GRAMD1B: variants seen among roughly 807,000 people sequenced by gnomAD.
The protein encoded by GRAMD1B is protein Aster-B.
In GRAMD1B, 37 loss-of-function variants were observed where a neutral mutation model predicts 99.7. The ratio of observed to expected loss-of-function variants is 0.37; its 90% CI spans 0.29 to 0.49. The LOEUF is 0.49. Ranked by LOEUF, GRAMD1B falls within the 20% of genes least tolerant of loss-of-function variation. GRAMD1B has a pLI of 0.98. For synonymous variants in GRAMD1B, 427 were observed against 387.6 expected, an observed-to-expected ratio of 1.10 and a Z score of -1.19; for missense variants, 888 against 1,009.2, an observed-to-expected ratio of 0.88 and a Z score of 1.63.
At chr11:123,578,695 C>T (rs527851672) in intron 3 of GRAMD1B, among the ~76,000 whole-genome samples, 1 of 152,336 alleles carries the variant, frequency 6.6e-6, no homozygotes, top group South Asian at 2.1e-4. Flanking sequence ...TGGACACTGC[C>T]TCTGGCTGGG....
At chr11:123,570,615 T>C (rs1038963920) in intron 2 of GRAMD1B, among the ~76,000 whole-genome samples, 2 of 151,780 alleles carry the variant, frequency 1.3e-5, no homozygotes, top group African/African-American at 4.8e-5. Context: ...GTAGAGATGG[T>C]GTTTCACCAT....
At chr11:123,391,179 A>G (rs949769733) in intron 1 of GRAMD1B, among the ~76,000 whole-genome samples, 4 of 152,096 alleles carry the variant, frequency 2.6e-5, no homozygotes, top group Non-Finnish European at 5.9e-5. Context: ...CACTTGCCCT[A>G]CTTCATCTCA....
At chr11:123,432,510 T>G (rs918228991) in intron 1 of GRAMD1B, among the ~76,000 whole-genome samples, 48 of 149,266 alleles carry the variant, frequency 3.2e-4, no homozygotes, top group African/African-American at 1.2e-3. Flanking sequence ...GAGCCAAGAC[T>G]GTGCCACTGC....
chr11:123,566,226 A>G (rs1947354992), intron 2 of GRAMD1B, among the ~76,000 whole-genome samples: 2 of 152,216 alleles, frequency 1.3e-5, no homozygotes, highest in African/African-American at 4.8e-5. Flanking sequence ...GGTGCACAGA[A>G]AGAAAAAGTG....
intron 2 of GRAMD1B, among the ~76,000 whole-genome samples, chr11:123,507,686 TA>T (rs1464756535): frequency 6.6e-6 from 1 of 152,246 alleles, no homozygotes; most frequent in Non-Finnish European, 1.5e-5. Context: ...GAGATTGGTT[TA>T]AATGTATATA....
intron 2 of GRAMD1B, among the ~76,000 whole-genome samples, chr11:123,512,603 G>A (rs891958525): frequency 6.6e-6 from 1 of 151,860 alleles, no homozygotes; most frequent in African/African-American, 2.4e-5. Context: ...TGTAGTCCCA[G>A]CTACTCAGGA....
intron 3 of GRAMD1B, chr11:123,578,579 C>G (rs906643640): frequency 3.0e-6 from 2 of 659,982 alleles, no homozygotes; most frequent in Non-Finnish European, 5.4e-6. Flanking sequence ...CACTGTCCCC[C>G]GGCAGGCTGG....
intron 2 of GRAMD1B, among the ~76,000 whole-genome samples, chr11:123,573,885 C>T (rs58781612): frequency 0.016 from 2,390 of 152,124 alleles, 68 homozygotes; most frequent in African/African-American, 0.054. Flanking sequence ...TTCAGTTCAG[C>T]GGAAAACATG....
At chr11:123,433,854 G>T (rs1245127955) in intron 1 of GRAMD1B, among the ~76,000 whole-genome samples, 3 of 152,034 alleles carry the variant, frequency 2.0e-5, no homozygotes, top group Non-Finnish European at 2.9e-5. Flanking sequence ...TGGATTTGGG[G>T]ACATATCCTT....
At chr11:123,368,702 A>AAAG (rs397770771) in intron 1 of GRAMD1B, among the ~76,000 whole-genome samples, 7 of 145,470 alleles carry the variant, frequency 4.8e-5, no homozygotes, top group African/African-American at 1.8e-4. Context: ...AAAAAAAAAA[A>AAAG]GAAAGAAAGA....
chr11:123,618,516 A>G (rs1287321231), intron 17 of GRAMD1B, among the ~76,000 whole-genome samples, 177 bp from the exon 18 acceptor site: 3 of 151,834 alleles, frequency 2.0e-5, no homozygotes, highest in Non-Finnish European at 4.4e-5. Context: ...ATCCTGGCCC[A>G]TCCAGATTAG....
Position 123,617,169 on chromosome 11 carries a change from CTT to C in GRAMD1B, c.2319-1509_2319-1508del, listed in dbSNP as rs34788392. Among the ~76,000 whole-genome samples the C allele has an allele frequency of 3.1e-3, 412 of 133,634 alleles. 1 individual carries two copies. Among genetic ancestry groups the C allele is most frequent in the African/African-American group, 0.011 (396 of 34,934 alleles). The allele number at this position is 133,634 out of a possible 152,430, so 87.7% of individuals were successfully genotyped here. A position where few individuals can be genotyped will look rare whatever the true frequency, so the allele number is the denominator to read the frequency against. ...TCTTTTATCTGTTTTTCTTTCTTTC[CTT>C]TTTTTTTTTTTTTTGTTTGTTTGTT... On this transcript the variant is annotated intron_variant, in intron 17 of 19. Coordinates refer to ENST00000635736, the MANE Select transcript of GRAMD1B (RefSeq NM_001387025.1).
intron 2 of GRAMD1B, among the ~76,000 whole-genome samples, chr11:123,574,074 A>AT: frequency 6.9e-6 from 1 of 143,980 alleles, no homozygotes; most frequent in East Asian, 2.0e-4. Context: ...AATGAACAGA[A>AT]TTAAAAAAAA....
intron 19 of GRAMD1B, among the ~76,000 whole-genome samples, chr11:123,619,731 G>T (rs912529743): frequency 3.3e-5 from 5 of 151,974 alleles, no homozygotes; most frequent in Admixed American, 6.6e-5. Context: ...ATTCCCCCCC[G>T]CAAAACTAGA....
chr11:123,375,140 G>A (rs755743752), intron 1 of GRAMD1B, among the ~76,000 whole-genome samples: 5 of 152,180 alleles, frequency 3.3e-5, no homozygotes, highest in Admixed American at 6.5e-5. Context: ...TTTTAGAGAG[G>A]AGGAAACTAA....
chr11:123,562,182 C>CTATT (rs139089986), intron 2 of GRAMD1B, among the ~76,000 whole-genome samples: 16,172 of 152,086 alleles, frequency 0.11, 1,046 homozygotes, highest in East Asian at 0.2. Flanking sequence ...GACCCTGCCT[C>CTATT]TATTTAATAA....
chr11:123,407,493 G>C (rs2135951907), intron 1 of GRAMD1B, among the ~76,000 whole-genome samples: 1 of 152,248 alleles, frequency 6.6e-6, no homozygotes, highest in Non-Finnish European at 1.5e-5. Context: ...TGGCTTCCAG[G>C]GTGCTTAAAT....
chr11:123,492,873 C>CACACAT lies in GRAMD1B; in HGVS notation c.452+11985_452+11986insTACACA, dbSNP rs1446502416. On this transcript the variant is annotated intron_variant, in intron 2 of 19. Coordinates refer to ENST00000635736, the MANE Select transcript of GRAMD1B (RefSeq NM_001387025.1). This position sits in a 1 kb window ranked among gnomAD's most constrained non-coding sequence, Gnocchi z 4.2. ...TCTCTCTCTTTCACACATACACACA[C>CACACAT]ACACACACACACACACACACACGCA... 6.6e-6 allele frequency among the ~76,000 whole-genome samples: 1 copy of CACACAT among 151,300 alleles called. No individual in the cohort carries two copies. Among genetic ancestry groups the CACACAT allele is most frequent in the Non-Finnish European group, 1.5e-5 (1 of 67,874 alleles).
chr11:123,447,378 G>A (rs974545403), intron 1 of GRAMD1B, among the ~76,000 whole-genome samples: 5 of 152,172 alleles, frequency 3.3e-5, no homozygotes, highest in Admixed American at 6.6e-5. Context: ...ACAGGTCTCC[G>A]GCAACCAGAA....
Sources: allele counts gnomAD v4.1 joint callset (sites outside exome capture counted in the v4.1 genomes callset), GRCh38; gene constraint gnomAD v4.1.1; non-coding constraint Gnocchi (gnomAD v3.1); transcripts MANE v1.5; gene names NCBI Gene and HGNC (gene_info 2026-07-23, HGNC 2026-07-21).